The following PLIN1 variants were observed in gnomAD, a reference collection of about 807,000 sequenced individuals.
PLIN1 encodes perilipin 1, also known as perilipin-1.
A neutral mutation model predicts 45.8 loss-of-function variants in PLIN1; 37 were observed. That is an observed-to-expected ratio of 0.81 (90% CI 0.62 to 1.06). PLIN1 has a LOEUF of 1.06. PLIN1 is among the 50% of genes least tolerant of loss of function. The pLI is 0.00. For synonymous variants in PLIN1, 340 were observed against 309.2 expected, an observed-to-expected ratio of 1.10 and a Z score of -1.05; for missense variants, 776 against 716.5, an observed-to-expected ratio of 1.08 and a Z score of -0.95.
intron 1 of PLIN1, among the ~76,000 whole-genome samples, chr15:89,678,238 G>A (rs928457360): frequency 1.1e-4 from 16 of 151,864 alleles, no homozygotes; most frequent in African/African-American, 2.4e-4. Context: ...GGCCAGGCGC[G>A]GTGGCTCAGG....
chr15:89,670,277 G>T lies in PLIN1; in HGVS notation c.334-33C>A, dbSNP rs371986784. The T allele has an allele frequency of 5.0e-6, 8 of 1,598,896 alleles. No homozygotes were observed. The South Asian group carries it at 9.1e-5, about 18-fold the overall frequency. On this transcript the variant is annotated intron_variant, in intron 4 of 8. Coordinates refer to ENST00000300055, the MANE Select transcript of PLIN1 (RefSeq NM_002666.5). ...AAGTTGGTGGGGGTGTTAGGCATGT[G>T]GTCTTGCAGGCCCTACAAGGGCTGC... is the stretch of plus-strand genomic sequence containing the variant.
At position 89,665,983 on chromosome 15, in the gene PLIN1, T is replaced by C. The variant is rs937201043; in HGVS notation, c.1210-41A>G. 88 of 1,404,464 alleles carry C rather than the reference T, an allele frequency of 6.3e-5. 1 individual carries two copies. Among genetic ancestry groups the C allele is most frequent in the Middle Eastern group, 2.3e-4 (1 of 4,418 alleles). 87.0% of individuals were successfully genotyped at this position (1,404,464 alleles called of 1,614,324 possible). A position where few individuals can be genotyped will look rare whatever the true frequency, so the allele number is the denominator to read the frequency against. ...CCGCCTTAGAGTCCTGGCTTGGCCCTGGGCCCTGCGCCTCTGACCCACCGC... is the reference window on the plus strand; with the variant it reads ...CCGCCTTAGAGTCCTGGCTTGGCCCCGGGCCCTGCGCCTCTGACCCACCGC... On this transcript the variant is annotated intron_variant, in intron 8 of 8. Coordinates refer to ENST00000300055, the MANE Select transcript of PLIN1 (RefSeq NM_002666.5).
chr15:89,666,844 AG>A (rs991808520), intron 8 of PLIN1, 91 bp downstream of exon 8: 20 of 1,438,766 alleles, frequency 1.4e-5, no homozygotes, highest in Admixed American at 5.1e-5. Context: ...AGGGGAAAGG[AG>A]GGGGACTGCA....
chr15:89,673,488 T>C (rs1325849240), intron 2 of PLIN1, 74 bp from the exon 3 acceptor site: 1 of 1,207,232 alleles, frequency 8.3e-7, no homozygotes, highest in Non-Finnish European at 1.2e-6. Flanking sequence ...CCCGGGGTCA[T>C]GGGGACCAAT....
At chr15:89,677,612 C>T in intron 1 of PLIN1, 109 bp from the exon 2 acceptor site, 2 of 882,108 alleles carry the variant, frequency 2.3e-6, no homozygotes, top group Non-Finnish European at 3.9e-6. Flanking sequence ...CCTGGGGGCC[C>T]ATTTGCCCTG....
intron 2 of PLIN1, 114 bp from the exon 3 acceptor site, chr15:89,673,528 G>A: frequency 1.2e-6 from 1 of 824,558 alleles, no homozygotes; most frequent in Non-Finnish European, 2.0e-6. Flanking sequence ...CAAGCGACCT[G>A]GGAGGAACCA....
chr15:89,672,031 G>T (rs79081528), intron 3 of PLIN1, among the ~76,000 whole-genome samples: 12 of 152,202 alleles, frequency 7.9e-5, no homozygotes, highest in Non-Finnish European at 1.5e-4. Flanking sequence ...GGAGGGAGAA[G>T]AGAGGTGTGA....
Position 89,669,950 on chromosome 15 carries a change from T to C in PLIN1, c.598+30A>G, listed in dbSNP as rs1057441089. 5.6e-6 allele frequency: 9 copies of C among 1,598,414 alleles called. No individual in the cohort carries two copies. In the Admixed American group the frequency reaches 1.4e-4, roughly 24 times the overall value. On this transcript the variant is annotated intron_variant, in intron 5 of 8. Transcript: ENST00000300055. ...CCAGGCAGTGTGTGTGACAACTCACTCCCAGGCCGAGCCTCCGAATGGCAG... is the reference window on the plus strand; with the variant it reads ...CCAGGCAGTGTGTGTGACAACTCACCCCCAGGCCGAGCCTCCGAATGGCAG...
chr15:89,671,903 T>G (rs1394772804), intron 3 of PLIN1, among the ~76,000 whole-genome samples: 4 of 152,238 alleles, frequency 2.6e-5, no homozygotes, highest in African/African-American at 9.6e-5. Flanking sequence ...TAATGGTGCC[T>G]GCCTGGCAGG....
chr15:89,665,698 G>A lies in PLIN1; in HGVS notation c.1454C>T (p.Pro485Leu), dbSNP rs920877790. 13 of 1,472,338 alleles carry A rather than the reference G, an allele frequency of 8.8e-6. No homozygotes were observed. Among genetic ancestry groups the A allele is most frequent in the Admixed American group, 2.3e-5 (1 of 44,010 alleles). 91.2% of individuals were successfully genotyped at this position (1,472,338 alleles called of 1,614,324 possible). ...CTTTGGCTTCTCGCGGGGCACGGCC[G>A]GGAAGCCCGGGCGCGGCGCTGCGGG... ...ATPAAPRPGF[P>L]AVPREKPKRR... Residue 485 changes from proline (P) to leucine (L), a missense_variant, in exon 9 of 9, where the codon CCG becomes CTG. Pro to Leu is a moderately conservative substitution (Grantham distance 98). Coordinates refer to ENST00000300055, the MANE Select transcript of PLIN1 (RefSeq NM_002666.5).
At chr15:89,667,272 G>A (rs924882306) in intron 7 of PLIN1, 91 bp from the exon 8 acceptor site, 2 of 1,551,496 alleles carry the variant, frequency 1.3e-6, no homozygotes, top group South Asian at 2.3e-5. Context: ...GAAAGCATGA[G>A]AATACCAAAT....
At position 89,665,614 on chromosome 15, in the gene PLIN1, G is replaced by A; in HGVS notation, c.1538C>T (p.Thr513Met). Residue 513 changes from threonine (T) to methionine (M), a missense_variant, in exon 9 of 9, where the codon ACG becomes ATG. Coordinates refer to ENST00000300055, the MANE Select transcript of PLIN1 (RefSeq NM_002666.5). ...PSVMEPILGR[T>M]HYSQLRKKS Reference sequence around the variant, plus strand: ...CTTCTTGCGCAGCTGGCTGTAATGCGTGCGGCCCAGGATGGGCTCCATGAC... The same window carrying A: ...CTTCTTGCGCAGCTGGCTGTAATGCATGCGGCCCAGGATGGGCTCCATGAC... 1 of 1,529,410 alleles carries A rather than the reference G, an allele frequency of 6.5e-7. No homozygotes were observed. The allele number at this position is 1,529,410 out of a possible 1,614,324, so 94.7% of individuals were successfully genotyped here.
rs565990761 is a variant in PLIN1, at chr15:89,673,704, C to A, written c.46-290G>T. On this transcript the variant is annotated intron_variant, in intron 2 of 8. Coordinates refer to ENST00000300055, the MANE Select transcript of PLIN1 (RefSeq NM_002666.5). Reference sequence around the variant, plus strand: ...CCAAGTCAGATCCCATCACTCCCACCCCCACCTCAGCTCACTCCCCTGATA... The same window carrying A: ...CCAAGTCAGATCCCATCACTCCCACACCCACCTCAGCTCACTCCCCTGATA... 3.3e-5 allele frequency among the ~76,000 whole-genome samples: 5 copies of A among 152,284 alleles called. No individual in the cohort carries two copies. In the South Asian group the frequency reaches 1.0e-3, roughly 32 times the overall value.
Position 89,670,102 on chromosome 15 carries a change from T to C in PLIN1, c.476A>G (p.Asp159Gly), listed in dbSNP as rs1194534430. 1 of 1,614,038 alleles carries C rather than the reference T, an allele frequency of 6.2e-7. No individual in the cohort carries two copies. The highest frequency in any genetic ancestry group is 8.5e-7 in the Non-Finnish European group (1 of 1,180,036). Residue 159 changes from aspartate (D) to glycine (G), a missense_variant, in exon 5 of 9, where the codon GAC becomes GGC. By Grantham distance (94) the Asp-to-Gly change is moderately conservative. Coordinates refer to ENST00000300055, the MANE Select transcript of PLIN1 (RefSeq NM_002666.5). ...AGTGTTGGCAGCAAATTCCGCAGTG[T>C]CTCTGGCCACCCCCCAGGCAAGCTC... ...GCELAWGVARDTAEFAANTRA... is the reference protein window; with the variant it reads ...GCELAWGVARGTAEFAANTRA...
At chr15:89,677,653 TCA>T (rs779562300) in intron 1 of PLIN1, 150 bp from the exon 2 acceptor site, 14 of 750,024 alleles carry the variant, frequency 1.9e-5, no homozygotes, top group Non-Finnish European at 3.2e-5. Flanking sequence ...AGGGTGAATA[TCA>T]CACACAATAG....
In PLIN1 at chr15:89,669,668, AG is replaced by A; in HGVS notation, c.602del (p.Pro201LeufsTer19). 4 of 1,613,834 alleles carry A rather than the reference AG, an allele frequency of 2.5e-6. No individual in the cohort carries two copies. The highest frequency in any genetic ancestry group is 1.1e-5 in the South Asian group (1 of 91,062). Reference sequence around the variant, plus strand: ...TCTGGGCTTGCTGGTGTCCAGGAGCAGGGGCTGGGTAGGGATTTGGGGGGAA... The same window carrying A: ...TCTGGGCTTGCTGGTGTCCAGGAGCAGGGCTGGGTAGGGATTTGGGGGGAA... ...LLPPDKEESA[P>X]APGHQQAQKS... On this transcript the variant is annotated frameshift_variant, in exon 6 of 9. Transcript: ENST00000300055. LOFTEE classifies it high-confidence loss of function.
rs1259620820 is a variant in PLIN1, at chr15:89,665,681, T to TC, written c.1470dup (p.Lys491GlufsTer75). ...CTGTCGCTGACCCTGCGCTTTGGCTTCTCGCGGGGCACGGCCGGGAAGCCC... is the reference window on the plus strand; with the variant it reads ...CTGTCGCTGACCCTGCGCTTTGGCTTCCTCGCGGGGCACGGCCGGGAAGCCC... On this transcript the variant is annotated frameshift_variant, in exon 9 of 9. Coordinates refer to ENST00000300055, the MANE Select transcript of PLIN1 (RefSeq NM_002666.5). LOFTEE classifies it high-confidence loss of function. 2.7e-6 allele frequency: 4 copies of TC among 1,482,062 alleles called. No individual in the cohort carries two copies. In the East Asian group the frequency reaches 1.1e-4, roughly 42 times the overall value. The allele number at this position is 1,482,062 out of a possible 1,614,324, so 91.8% of individuals were successfully genotyped here.
chr15:89,669,575 G>A lies in PLIN1; in HGVS notation c.696C>T (p.Tyr232=). Residue 232 remains tyrosine, a synonymous_variant, in exon 6 of 9, where the codon TAC becomes TAT. Coordinates refer to ENST00000300055, the MANE Select transcript of PLIN1 (RefSeq NM_002666.5). ...VGALTNTLSR[Y]TVQTMARALE... is the part of the protein sequence containing the mutation. The stretch of plus-strand genomic sequence containing the variant: ...GGGCCCGGGCCATGGTCTGCACGGT[G>A]TATCGAGAGAGGGTGTTGGTCAGAG... 6.2e-7 allele frequency: 1 copy of A among 1,614,034 alleles called. No individual in the cohort carries two copies. The highest frequency in any genetic ancestry group is 8.5e-7 in the Non-Finnish European group (1 of 1,179,966).
chr15:89,665,962 CT>C lies in PLIN1; in HGVS notation c.1210-21del. ...GGGGAGCTGAGGGCCCGGCAGCCGC[CT>C]TAGAGTCCTGGCTTGGCCCTGGGCC... is the stretch of plus-strand genomic sequence containing the variant. On this transcript the variant is annotated intron_variant, in intron 8 of 8. Transcript: ENST00000300055. 1 of 1,475,026 alleles carries C rather than the reference CT, an allele frequency of 6.8e-7. No homozygotes were observed. The highest frequency in any genetic ancestry group is 2.8e-5 in the East Asian group (1 of 35,712). 91.4% of individuals were successfully genotyped at this position (1,475,026 alleles called of 1,614,324 possible). A position where few individuals can be genotyped will look rare whatever the true frequency, so the allele number is the denominator to read the frequency against.
Sources: allele counts gnomAD v4.1 joint callset (sites outside exome capture counted in the v4.1 genomes callset), GRCh38; gene constraint gnomAD v4.1.1; transcripts MANE v1.5; gene names NCBI Gene and HGNC (gene_info 2026-07-23, HGNC 2026-07-21).